Variants in PHTF2 observed in about 807,000 individuals in gnomAD.
PHTF2 encodes putative homeodomain transcription factor 2, also known as protein PHTF2.
In PHTF2, 60 loss-of-function variants were observed where a neutral mutation model predicts 101.2. That is an observed-to-expected ratio of 0.59 (90% CI 0.48 to 0.73). The LOEUF (loss-of-function observed/expected upper bound fraction) is 0.73, where lower values mean the gene tolerates loss of function less well. PHTF2 is among the 30% of genes least tolerant of loss of function. PHTF2 has a pLI of 0.00. For missense variants in PHTF2, 747 were observed against 908.7 expected (o/e 0.82, Z 2.29); for synonymous variants, 311 against 307.3 (o/e 1.01, Z -0.13).
intron 1 of PHTF2, among the ~76,000 whole-genome samples, chr7:77,837,547 G>A (rs1252388469): frequency 6.6e-6 from 1 of 152,098 alleles, no homozygotes; most frequent in African/African-American, 2.4e-5. Flanking sequence ...TATTAAATGA[G>A]TTTGCACAGA....
chr7:77,799,137 A>C (rs2150445302), intron 1 of PHTF2, among the ~76,000 whole-genome samples, 166 bp downstream of exon 1: 1 of 152,208 alleles, frequency 6.6e-6, no homozygotes, highest in South Asian at 2.1e-4. Flanking sequence ...CTTTCCCGGC[A>C]GTCTCCCGTA....
chr7:77,854,606 C>G (rs982968886), intron 2 of PHTF2: 20 of 627,036 alleles, frequency 3.2e-5, no homozygotes, highest in Non-Finnish European at 5.3e-5. Context: ...AAATGCCATC[C>G]AGGAGCCAGA....
At chr7:77,924,630 C>A (rs1009145935) in intron 11 of PHTF2, among the ~76,000 whole-genome samples, 7 of 152,114 alleles carry the variant, frequency 4.6e-5, no homozygotes, top group African/African-American at 1.7e-4. Context: ...GTATTTTGTG[C>A]ATGGATGGGA....
chr7:77,850,719 G>C (rs1796693034), intron 2 of PHTF2, among the ~76,000 whole-genome samples: 1 of 151,624 alleles, frequency 6.6e-6, no homozygotes, highest in Non-Finnish European at 1.5e-5. Context: ...AAAACAAAAT[G>C]GTCATCCTTG....
chr7:77,812,110 G>A (rs1793487166), intron 1 of PHTF2, among the ~76,000 whole-genome samples: 1 of 152,144 alleles, frequency 6.6e-6, no homozygotes, highest in South Asian at 2.1e-4. Flanking sequence ...ATGAGAAAAA[G>A]AACCTGGATG....
intron 2 of PHTF2, among the ~76,000 whole-genome samples, chr7:77,851,103 C>T (rs966169912): frequency 2.6e-5 from 4 of 152,144 alleles, no homozygotes; most frequent in African/African-American, 9.7e-5. Context: ...GTTTGGGTAT[C>T]AGAGTAATAC....
chr7:77,949,847 C>A lies in PHTF2; in HGVS notation c.2115+14C>A. On this transcript the variant is annotated intron_variant, in intron 17 of 19. Coordinates refer to ENST00000416283, the Ensembl canonical transcript of PHTF2. ...CTTACTGAACAGGTGAGTGTGCCTA[C>A]TTATTATGCTACAAATTAATGTCTA... 1 of 1,309,104 alleles carries A rather than the reference C, an allele frequency of 7.6e-7. No individual in the cohort carries two copies. The highest frequency in any genetic ancestry group is 1.1e-6 in the Non-Finnish European group (1 of 946,056). The allele number at this position is 1,309,104 out of a possible 1,614,324, so 81.1% of individuals were successfully genotyped here. A position where few individuals can be genotyped will look rare whatever the true frequency, so the allele number is the denominator to read the frequency against.
intron 1 of PHTF2, among the ~76,000 whole-genome samples, chr7:77,819,958 C>G (rs972465672): frequency 2.0e-5 from 3 of 151,912 alleles, no homozygotes; most frequent in Non-Finnish European, 2.9e-5. Flanking sequence ...GGTGTGATCT[C>G]GACTCACTGC....
At chr7:77,853,525 C>A (rs1236835314) in intron 2 of PHTF2, among the ~76,000 whole-genome samples, 1 of 151,942 alleles carries the variant, frequency 6.6e-6, no homozygotes, top group Non-Finnish European at 1.5e-5. Context: ...TCTTGAGTAG[C>A]TGGGACTACA....
chr7:77,846,533 G>A (rs1584472800), intron 2 of PHTF2, among the ~76,000 whole-genome samples: 4 of 149,674 alleles, frequency 2.7e-5, no homozygotes, highest in Admixed American at 2.0e-4. Flanking sequence ...CCTGAAATTA[G>A]TTTCCCTTCC....
intron 10 of PHTF2, among the ~76,000 whole-genome samples, chr7:77,921,864 A>G (rs540191037): frequency 2.6e-5 from 4 of 152,284 alleles, no homozygotes; most frequent in East Asian, 3.9e-4. Flanking sequence ...GCGCACATGC[A>G]GTTGCTATTT....
chr7:77,835,172 G>T (rs2150563470), intron 1 of PHTF2, among the ~76,000 whole-genome samples: 1 of 151,768 alleles, frequency 6.6e-6, no homozygotes, highest in South Asian at 2.1e-4. Flanking sequence ...TACTGAGGAG[G>T]CTGAGACAGG....
intron 7 of PHTF2, among the ~76,000 whole-genome samples, chr7:77,908,254 A>G (rs1353171459): frequency 6.6e-6 from 1 of 152,222 alleles, no homozygotes; most frequent in South Asian, 2.1e-4. Context: ...CAGAAAGTCT[A>G]AGGGATGCTG....
intron 5 of PHTF2, among the ~76,000 whole-genome samples, chr7:77,899,826 T>A (rs185623436): frequency 6.6e-6 from 1 of 152,316 alleles, no homozygotes; most frequent in Admixed American, 6.5e-5. Flanking sequence ...ATCTAAACAC[T>A]TGTGTCATCT....
intron 3 of PHTF2, among the ~76,000 whole-genome samples, chr7:77,863,575 T>A (rs1452744620): frequency 6.6e-6 from 1 of 152,166 alleles, no homozygotes; most frequent in Non-Finnish European, 1.5e-5. Context: ...ATTAAAGATT[T>A]TTTTTTTCTT....
At chr7:77,892,017 C>T (rs536500426) in intron 3 of PHTF2, among the ~76,000 whole-genome samples, 1 of 152,340 alleles carries the variant, frequency 6.6e-6, no homozygotes, top group Non-Finnish European at 1.5e-5. Context: ...TTGGCTCACG[C>T]CTGTAATCCC....
At chr7:77,944,170 A>G (rs1805862144) in intron 16 of PHTF2, among the ~76,000 whole-genome samples, 1 of 151,984 alleles carries the variant, frequency 6.6e-6, no homozygotes. Flanking sequence ...CTATGGCAGC[A>G]TGAGAATAAG....
intron 16 of PHTF2, among the ~76,000 whole-genome samples, chr7:77,948,930 T>C (rs748873628): frequency 4.6e-5 from 7 of 152,332 alleles, no homozygotes; most frequent in South Asian, 2.1e-4. Flanking sequence ...CTCCCAGATA[T>C]TAACTTCTGG....
chr7:77,939,828 G>A (rs1264776936), intron 13 of PHTF2, among the ~76,000 whole-genome samples: 1 of 151,888 alleles, frequency 6.6e-6, no homozygotes, highest in Non-Finnish European at 1.5e-5. Flanking sequence ...GTAAATTAGC[G>A]ATCTGATAAT....
Sources: gnomAD v4.1 joint callset for allele counts (sites outside exome capture counted in the v4.1 genomes callset) on GRCh38, gnomAD v4.1.1 for gene constraint, MANE v1.5 for transcripts, NCBI Gene and HGNC (gene_info 2026-07-23, HGNC 2026-07-21) for gene names.